The following TRPC4 variants were observed in gnomAD, a reference collection of about 807,000 sequenced individuals.
TRPC4 encodes the protein short transient receptor potential channel 4.
Under a neutral mutation model 99.4 loss-of-function variants are expected in TRPC4, and 49 were observed. That is an observed-to-expected ratio of 0.49 (90% CI 0.39 to 0.63). The LOEUF (loss-of-function observed/expected upper bound fraction) is 0.63. Among genes scored for constraint, TRPC4 ranks in the 20% least tolerant of loss-of-function variants. TRPC4 has a pLI of 0.00. For missense variants in TRPC4, 898 were observed against 1,152.9 expected, an observed-to-expected ratio of 0.78 and a Z score of 3.20; for synonymous variants, 454 against 425.9, an observed-to-expected ratio of 1.07 and a Z score of -0.81.
chr13:37,699,993 A>G (rs542779254), intron 3 of TRPC4, among the ~76,000 whole-genome samples: 2 of 152,276 alleles, frequency 1.3e-5, no homozygotes, highest in East Asian at 3.9e-4. Flanking sequence ...TTAGCAAACA[A>G]AACAGCAAGC....
chr13:37,780,732 G>A (rs1483781398), intron 2 of TRPC4, among the ~76,000 whole-genome samples: 2 of 151,012 alleles, frequency 1.3e-5, no homozygotes, highest in Admixed American at 6.6e-5. Flanking sequence ...TGCTATGCAC[G>A]TTTCATGTTG....
rs142838796 is a variant in TRPC4, at chr13:37,859,130, C to T, written c.-28+10465G>A. Among the ~76,000 whole-genome samples, 284 of 150,994 alleles carry T rather than the reference C, an allele frequency of 1.9e-3. 2 individuals carry two copies. The highest frequency in any genetic ancestry group is 6.5e-3 in the African/African-American group (267 of 41,328). ...TAAATAAATCAGTTTACAGATAGGA[C>T]ATGGTGAAAAAAGAGGATTCATAAA... On this transcript the variant is annotated intron_variant, in intron 1 of 10. Transcript: ENST00000379705.
At chr13:37,808,701 A>T (rs1029230461) in intron 1 of TRPC4, among the ~76,000 whole-genome samples, 1 of 152,052 alleles carries the variant, frequency 6.6e-6, no homozygotes, top group African/African-American at 2.4e-5. Context: ...CTCTGCTAGC[A>T]CCTAAGCATG....
intron 3 of TRPC4, among the ~76,000 whole-genome samples, chr13:37,745,490 TTATATATACGTATATATGTA>T (rs1281841839): frequency 4.5e-5 from 5 of 111,980 alleles, no homozygotes; most frequent in African/African-American, 1.3e-4. Flanking sequence ...ACACACACAC[TTATATATACGTATATATGTA>T]TATATATACG....
intron 2 of TRPC4, among the ~76,000 whole-genome samples, chr13:37,748,267 CTAAA>C (rs1955840454): frequency 6.6e-6 from 1 of 152,042 alleles, no homozygotes; most frequent in Admixed American, 6.6e-5. Context: ...AACAATGTAA[CTAAA>C]TAATTTCCTA....
At chr13:37,829,825 G>A (rs898520767) in intron 1 of TRPC4, among the ~76,000 whole-genome samples, 3 of 152,138 alleles carry the variant, frequency 2.0e-5, no homozygotes, top group African/African-American at 7.2e-5. Context: ...TGAAGCACTA[G>A]TTCGTACTAC....
chr13:37,710,270 C>G (rs570048012), intron 3 of TRPC4, among the ~76,000 whole-genome samples: 1 of 151,882 alleles, frequency 6.6e-6, no homozygotes, highest in Non-Finnish European at 1.5e-5. Context: ...CAATGATCCC[C>G]GGCTTAAGCA....
chr13:37,737,182 T>C (rs538058670), intron 3 of TRPC4, among the ~76,000 whole-genome samples: 11 of 151,790 alleles, frequency 7.2e-5, no homozygotes, highest in African/African-American at 2.4e-4. Context: ...TTTCTGCATA[T>C]GCTTATCCTT....
At position 37,782,851 on chromosome 13, in the gene TRPC4, A is replaced by G. The variant is rs1210113769; in HGVS notation, c.378+105T>C. On this transcript the variant is annotated intron_variant, in intron 2 of 10. Coordinates refer to ENST00000379705, the MANE Select transcript of TRPC4 (RefSeq NM_016179.4). ...CAGATTTTGAAGCTTATATTTCTTA[A>G]ATTTTCAGGGCATTTGAAAATCTAA... 1.6e-4 allele frequency: 189 copies of G among 1,160,728 alleles called. 1 individual carries two copies. Among genetic ancestry groups the G allele is most frequent in the Non-Finnish European group, 2.0e-4 (173 of 872,588 alleles). 71.9% of individuals were successfully genotyped at this position (1,160,728 alleles called of 1,614,324 possible). A position where few individuals can be genotyped will look rare whatever the true frequency, so the allele number is the denominator to read the frequency against.
At chr13:37,702,766 C>T (rs563782628) in intron 3 of TRPC4, among the ~76,000 whole-genome samples, 2 of 152,192 alleles carry the variant, frequency 1.3e-5, no homozygotes. Context: ...ATACATAATG[C>T]GATTTTCGAA....
intron 4 of TRPC4, among the ~76,000 whole-genome samples, chr13:37,691,652 A>G (rs1261176144): frequency 6.6e-6 from 1 of 152,150 alleles, no homozygotes. Context: ...TACTTTTAGA[A>G]GACTTATCTA....
chr13:37,696,450 C>T (rs1246032705), intron 3 of TRPC4, among the ~76,000 whole-genome samples: 1 of 152,148 alleles, frequency 6.6e-6, no homozygotes, highest in Non-Finnish European at 1.5e-5. Flanking sequence ...GATTTACTGT[C>T]TTCATCTTTT....
At chr13:37,721,925 C>T (rs1375834117) in intron 3 of TRPC4, among the ~76,000 whole-genome samples, 1 of 152,046 alleles carries the variant, frequency 6.6e-6, no homozygotes, top group South Asian at 2.1e-4. Context: ...GTGTGAGCCA[C>T]CACACCTGTG....
In TRPC4 at chr13:37,782,963, T is replaced by C; in HGVS notation, c.371A>G (p.Glu124Gly). ...LLLNHKKPSG[E>G]KQVPPILLDK... Reference sequence around the variant, plus strand: ...CTGTATTTTTGCAGGTACCTGTTTTTCTCCACTAGGTTTTTTGTGGTTCAA... The same window carrying C: ...CTGTATTTTTGCAGGTACCTGTTTTCCTCCACTAGGTTTTTTGTGGTTCAA... The change falls in exon 2 of 11, where the codon GAA (glutamate) becomes GGA (glycine). Residue 124 changes from glutamate (E) to glycine (G), a missense_variant. Glu to Gly is a moderately conservative substitution (Grantham distance 98). Coordinates refer to ENST00000379705, the MANE Select transcript of TRPC4 (RefSeq NM_016179.4). The C allele has an allele frequency of 7.0e-7, 1 of 1,437,668 alleles. No homozygotes were observed. The highest frequency in any genetic ancestry group is 9.2e-7 in the Non-Finnish European group (1 of 1,086,120). The allele number at this position is 1,437,668 out of a possible 1,614,324, so 89.1% of individuals were successfully genotyped here.
chr13:37,867,808 A>G (rs1388922650), intron 1 of TRPC4, among the ~76,000 whole-genome samples: 3 of 152,140 alleles, frequency 2.0e-5, no homozygotes, highest in Admixed American at 6.5e-5. Flanking sequence ...GTTTATAAAC[A>G]TAAGTTGTTG....
intron 2 of TRPC4, among the ~76,000 whole-genome samples, chr13:37,779,449 T>C (rs1368275966): frequency 6.6e-6 from 1 of 151,276 alleles, no homozygotes; most frequent in Non-Finnish European, 1.5e-5. Flanking sequence ...CTAAATTCAA[T>C]ACCCTGATTT....
chr13:37,636,869 G>A lies in TRPC4; in HGVS notation c.*34C>T, dbSNP rs547792115. 7 of 1,576,556 alleles carry A rather than the reference G, an allele frequency of 4.4e-6. No homozygotes were observed. In the East Asian group the frequency reaches 9.0e-5, roughly 20 times the overall value. On this transcript the variant is annotated 3_prime_UTR_variant, in exon 11 of 11. Transcript: ENST00000379705. ...CCACCCAGAGCACTACGGAAAATAC[G>A]TATGTGTATGGTAAACGCTTCCTCC...
chr13:37,748,602 TG>T (rs1366872134), intron 2 of TRPC4, among the ~76,000 whole-genome samples: 5 of 151,804 alleles, frequency 3.3e-5, no homozygotes, highest in Admixed American at 3.3e-4. Context: ...ACCATTGCAT[TG>T]GTTTGTTGAA....
intron 4 of TRPC4, among the ~76,000 whole-genome samples, chr13:37,690,790 A>T (rs1953666027): frequency 6.7e-6 from 1 of 148,328 alleles, no homozygotes; most frequent in African/African-American, 2.5e-5. Context: ...ACTGAAAAAC[A>T]TATTTATCTC....
Sources: gnomAD v4.1 joint callset for allele counts (sites outside exome capture counted in the v4.1 genomes callset) on GRCh38, gnomAD v4.1.1 for gene constraint, MANE v1.5 for transcripts, NCBI Gene and HGNC (gene_info 2026-07-23, HGNC 2026-07-21) for gene names.